RGS7: variants seen among roughly 807,000 people sequenced by gnomAD.
RGS7 encodes the protein regulator of G-protein signaling 7.
RGS7 carries 27 observed loss-of-function variants against 81.1 expected under a neutral mutation model. The observed-to-expected ratio is 0.33, with a 90% CI of 0.25 to 0.46. The LOEUF (loss-of-function observed/expected upper bound fraction) is 0.46. RGS7 is among the 20% of genes least tolerant of loss of function. RGS7 has a pLI of 1.00. For synonymous variants in RGS7, 208 were observed against 207.7 expected (o/e 1.00, Z -0.01); for missense variants, 396 against 607.4 (o/e 0.65, Z 3.66).
At chr1:240,789,597 G>T (rs377325018) in intron 18 of RGS7, among the ~76,000 whole-genome samples, 1 of 152,178 alleles carries the variant, frequency 6.6e-6, no homozygotes, top group Non-Finnish European at 1.5e-5. Context: ...TATCTTTTAC[G>T]GTCGTAGCTG....
intron 3 of RGS7, among the ~76,000 whole-genome samples, chr1:241,088,170 A>G (rs2063592489): frequency 6.6e-6 from 1 of 151,546 alleles, no homozygotes; most frequent in Non-Finnish European, 1.5e-5. Context: ...TAGATGGAGG[A>G]AAAAACAGGG....
At chr1:241,344,634 T>C (rs2082774288) in intron 2 of RGS7, among the ~76,000 whole-genome samples, 1 of 152,262 alleles carries the variant, frequency 6.6e-6, no homozygotes, top group Non-Finnish European at 1.5e-5. Flanking sequence ...CGAGGGTATT[T>C]TTTTCTTCTT....
intron 9 of RGS7, among the ~76,000 whole-genome samples, chr1:240,830,171 A>G (rs1252393816): frequency 6.6e-6 from 1 of 152,178 alleles, no homozygotes; most frequent in Non-Finnish European, 1.5e-5. Flanking sequence ...GCTTAAGAAA[A>G]TGCTTCCCAA....
At chr1:241,101,880 G>A (rs1029036022) in intron 2 of RGS7, among the ~76,000 whole-genome samples, 3 of 152,130 alleles carry the variant, frequency 2.0e-5, no homozygotes, top group Admixed American at 1.3e-4. Flanking sequence ...CCTCTGCTTC[G>A]GGCTGAATTT....
intron 2 of RGS7, among the ~76,000 whole-genome samples, chr1:241,309,010 C>A (rs959684841): frequency 6.6e-6 from 1 of 152,154 alleles, no homozygotes; most frequent in Non-Finnish European, 1.5e-5. Context: ...GAGGAACACA[C>A]AAACTGGTCA....
At chr1:241,221,114 A>C (rs1318839903) in intron 2 of RGS7, among the ~76,000 whole-genome samples, 1 of 149,222 alleles carries the variant, frequency 6.7e-6, no homozygotes, top group African/African-American at 2.5e-5. Context: ...GAAGGAAGGA[A>C]GGGAGGGAAA....
intron 3 of RGS7, among the ~76,000 whole-genome samples, chr1:241,042,800 C>T (rs2060694119): frequency 6.6e-6 from 1 of 152,012 alleles, no homozygotes; most frequent in South Asian, 2.1e-4. Context: ...ATTAGCCGGG[C>T]ATGGTAGCAC....
chr1:241,075,435 G>A (rs914816970), intron 3 of RGS7, among the ~76,000 whole-genome samples: 1 of 152,236 alleles, frequency 6.6e-6, no homozygotes, highest in South Asian at 2.1e-4. Flanking sequence ...AGAGAAAGGA[G>A]ACCCTTCTAT....
intron 2 of RGS7, among the ~76,000 whole-genome samples, chr1:241,326,813 C>T (rs372275349): frequency 5.3e-5 from 8 of 149,614 alleles, no homozygotes; most frequent in Middle Eastern, 3.5e-3. Context: ...AGGAGCCTGA[C>T]GTGAGAGGAT....
At chr1:241,173,651 T>C (rs1004415221) in intron 2 of RGS7, among the ~76,000 whole-genome samples, 1 of 152,114 alleles carries the variant, frequency 6.6e-6, no homozygotes, top group Non-Finnish European at 1.5e-5. Flanking sequence ...CATGGTGCTG[T>C]GTGTCTGTAG....
intron 2 of RGS7, among the ~76,000 whole-genome samples, chr1:241,106,726 A>C (rs1393186741): frequency 4.9e-5 from 6 of 121,370 alleles, no homozygotes; most frequent in African/African-American, 1.1e-4. Flanking sequence ...CAAAAAAAAA[A>C]AAAAAAAAAA....
chr1:240,932,491 T>C (rs1402490382), intron 5 of RGS7, among the ~76,000 whole-genome samples: 1 of 148,342 alleles, frequency 6.7e-6, no homozygotes. Context: ...TAGTTAAAAC[T>C]TTGCTTTCAT....
intron 3 of RGS7, among the ~76,000 whole-genome samples, chr1:241,067,286 C>T (rs1415113897): frequency 6.6e-6 from 1 of 152,070 alleles, no homozygotes; most frequent in Non-Finnish European, 1.5e-5. Context: ...GTATTCCATG[C>T]TCCTAGCTTG....
intron 2 of RGS7, among the ~76,000 whole-genome samples, chr1:241,325,262 A>C (rs527474350): frequency 3.3e-5 from 5 of 152,194 alleles, no homozygotes; most frequent in Admixed American, 6.5e-5. Context: ...ATTAGATATA[A>C]GGGGGAGGCA....
Position 241,077,636 on chromosome 1 carries a change from C to T in RGS7, c.175+21030G>A, listed in dbSNP as rs556950510. On this transcript the variant is annotated intron_variant, in intron 3 of 18. Coordinates refer to ENST00000440928, the MANE Select transcript of RGS7 (RefSeq NM_001364886.1). ...CACTTCTTCAGCCCTCCAGCGATTG[C>T]TCTCTGTTTCTGTTCTGTTTTCACA... Among the ~76,000 whole-genome samples the T allele has an allele frequency of 1.8e-4, 27 of 152,320 alleles. No individual in the cohort carries two copies. The South Asian group carries it at 5.2e-3, about 29-fold the overall frequency.
intron 6 of RGS7, among the ~76,000 whole-genome samples, chr1:240,892,572 T>C (rs919177995): frequency 6.6e-6 from 1 of 152,190 alleles, no homozygotes; most frequent in African/African-American, 2.4e-5. Flanking sequence ...ATATTTTAAG[T>C]TGGGCCTAGG....
chr1:240,954,725 C>T (rs1680081490), intron 4 of RGS7, among the ~76,000 whole-genome samples: 1 of 152,006 alleles, frequency 6.6e-6, no homozygotes, highest in African/African-American at 2.4e-5. Context: ...TTCATTTCAA[C>T]ATTGTATTGG....
intron 2 of RGS7, among the ~76,000 whole-genome samples, chr1:241,277,332 C>A (rs2078245807): frequency 6.6e-6 from 1 of 152,080 alleles, no homozygotes; most frequent in Non-Finnish European, 1.5e-5. Flanking sequence ...CACAATCAAG[C>A]ATGCAGGCCA....
At chr1:241,255,229 A>G (rs2077006512) in intron 2 of RGS7, among the ~76,000 whole-genome samples, 1 of 152,178 alleles carries the variant, frequency 6.6e-6, no homozygotes, top group South Asian at 2.1e-4. Flanking sequence ...CTGAGTCCTA[A>G]TTTATGAGGT....
Sources: allele counts gnomAD v4.1 joint callset (sites outside exome capture counted in the v4.1 genomes callset), GRCh38; gene constraint gnomAD v4.1.1; transcripts MANE v1.5; gene names NCBI Gene and HGNC (gene_info 2026-07-23, HGNC 2026-07-21).